MRRF: variants seen among roughly 807,000 people sequenced by gnomAD.
The protein encoded by MRRF is mitochondrial ribosome recycling factor, also known as ribosome-recycling factor, mitochondrial.
A neutral mutation model predicts 25.1 loss-of-function variants in MRRF; 18 were observed. That is an observed-to-expected ratio of 0.72 (90% CI 0.50 to 1.06). MRRF has a LOEUF of 1.06. Ranked by LOEUF, MRRF falls within the 50% of genes least tolerant of loss-of-function variation. The pLI, the probability that MRRF is intolerant of heterozygous loss-of-function variation, is 0.00. For synonymous variants in MRRF, 113 were observed against 112.1 expected (o/e 1.01, Z -0.05); for missense variants, 323 against 319.3 (o/e 1.01, Z -0.09).
At chr9:122,271,601 C>G (rs537350140) in intron 2 of MRRF, among the ~76,000 whole-genome samples, 3 of 152,196 alleles carry the variant, frequency 2.0e-5, no homozygotes, top group Non-Finnish European at 4.4e-5. Flanking sequence ...TAGGTCAAGT[C>G]CCCTGTTGCC....
At chr9:122,267,364 G>C (rs1267716858) in intron 1 of MRRF, among the ~76,000 whole-genome samples, 7 of 147,520 alleles carry the variant, frequency 4.7e-5, no homozygotes, top group African/African-American at 7.7e-5. Flanking sequence ...CTGGGCAACA[G>C]AGTGAGACTC....
intron 2 of MRRF, among the ~76,000 whole-genome samples, chr9:122,274,205 A>G (rs1030054873): frequency 6.6e-6 from 1 of 152,192 alleles, no homozygotes; most frequent in African/African-American, 2.4e-5. Flanking sequence ...CTTAAGAGTT[A>G]TGTATGTGGA....
At chr9:122,306,277 C>G (rs1443020799) in intron 5 of MRRF, among the ~76,000 whole-genome samples, 6 of 152,226 alleles carry the variant, frequency 3.9e-5, no homozygotes, top group African/African-American at 1.4e-4. Context: ...CCTCATCCCC[C>G]TGCACTTGAC....
intron 4 of MRRF, among the ~76,000 whole-genome samples, chr9:122,289,184 T>G (rs966259715): frequency 6.6e-6 from 1 of 152,212 alleles, no homozygotes; most frequent in African/African-American, 2.4e-5. Flanking sequence ...TTTCTGCATA[T>G]GAAAAGATAC....
intron 6 of MRRF, among the ~76,000 whole-genome samples, chr9:122,318,592 G>C (rs779661416): frequency 6.6e-6 from 1 of 152,224 alleles, no homozygotes. Context: ...GCCTGCCCCA[G>C]GAGTGTACTC....
rs529902060 is a variant in MRRF, at chr9:122,319,413, G to A, written c.712-3127G>A. The stretch of plus-strand genomic sequence containing the variant: ...GATCCGCCTGCCTTGGCCTCCCAAA[G>A]TGCTGGGATTACAACCACTGACTTT... On this transcript the variant is annotated intron_variant, in intron 6 of 6. Coordinates refer to ENST00000344641, the MANE Select transcript of MRRF (RefSeq NM_138777.5). Among the ~76,000 whole-genome samples, 3 of 152,260 alleles carry A rather than the reference G, an allele frequency of 2.0e-5. No individual in the cohort carries two copies. The East Asian group carries it at 5.8e-4, about 29-fold the overall frequency.
At chr9:122,273,349 G>A (rs1421305892) in intron 2 of MRRF, among the ~76,000 whole-genome samples, 1 of 151,608 alleles carries the variant, frequency 6.6e-6, no homozygotes, top group East Asian at 1.9e-4. Context: ...GGCTGAAGTG[G>A]GAGCATTGCT....
intron 5 of MRRF, among the ~76,000 whole-genome samples, chr9:122,309,926 T>C (rs763284408): frequency 9.2e-5 from 14 of 152,262 alleles, no homozygotes; most frequent in Non-Finnish European, 1.6e-4. Flanking sequence ...CATAGATCTT[T>C]GCTCTGTCAT....
chr9:122,277,178 T>C (rs1832829103), intron 2 of MRRF, among the ~76,000 whole-genome samples: 1 of 152,228 alleles, frequency 6.6e-6, no homozygotes, highest in Admixed American at 6.5e-5. Flanking sequence ...CTTTTAATTG[T>C]ATTAATTTTG....
At chr9:122,285,101 A>T (rs1833304565) in intron 3 of MRRF, 68 bp from the exon 4 acceptor site, 3 of 967,906 alleles carry the variant, frequency 3.1e-6, no homozygotes, top group Non-Finnish European at 3.3e-6. Flanking sequence ...AATCTGAATT[A>T]GATAGGACTT....
intron 5 of MRRF, among the ~76,000 whole-genome samples, chr9:122,294,726 GCC>G (rs1051886015): frequency 6.6e-6 from 1 of 152,190 alleles, no homozygotes; most frequent in Non-Finnish European, 1.5e-5. Context: ...TGGGCACAGC[GCC>G]CTAGTTGCTT....
chr9:122,279,291 C>A (rs770062005), intron 2 of MRRF, among the ~76,000 whole-genome samples: 23 of 152,124 alleles, frequency 1.5e-4, no homozygotes, highest in Admixed American at 5.9e-4. Flanking sequence ...TTACTTTGGA[C>A]GAAACATTTA....
chr9:122,306,363 A>G (rs1316196635), intron 5 of MRRF, among the ~76,000 whole-genome samples: 1 of 152,204 alleles, frequency 6.6e-6, no homozygotes, highest in East Asian at 1.9e-4. Context: ...TTTAATCCTC[A>G]CAATAATTAA....
At chr9:122,286,193 T>C (rs1359395561) in intron 4 of MRRF, 1 of 1,288,244 alleles carries the variant, frequency 7.8e-7, no homozygotes, top group Non-Finnish European at 1.0e-6. Context: ...GTTCTTATTG[T>C]CTATTTCAGT....
rs552837955 is a variant in MRRF, at chr9:122,330,043, C to G, written c.*7426C>G. 1.3e-5 allele frequency: 2 copies of G among 152,310 alleles called. No individual in the cohort carries two copies. Among genetic ancestry groups the G allele is most frequent in the Admixed American group, 6.5e-5 (1 of 15,290 alleles). 9.4% of individuals were successfully genotyped at this position (152,310 alleles called of 1,614,324 possible). On this transcript the variant is annotated 3_prime_UTR_variant, in exon 7 of 7. Coordinates refer to ENST00000344641, the MANE Select transcript of MRRF (RefSeq NM_138777.5). The surrounding 1 kb of genome is among the most constrained non-coding windows in gnomAD (Gnocchi z 4.2). The stretch of plus-strand genomic sequence containing the variant: ...CCTCATCTGCTAAGTCGGCCTCAGG[C>G]GTTTCTAGACATCTTAAGGGACCGC...
intron 4 of MRRF, chr9:122,286,183 G>A: frequency 1.6e-6 from 2 of 1,288,438 alleles, no homozygotes; most frequent in Non-Finnish European, 2.0e-6. Context: ...GAATCCTCCT[G>A]TTCTTATTGT....
chr9:122,291,912 C>A, intron 5 of MRRF, 72 bp downstream of exon 5: 1 of 1,011,058 alleles, frequency 9.9e-7, no homozygotes, highest in Non-Finnish European at 1.6e-6. Context: ...CAACAAATAC[C>A]CTACTATACC....
At chr9:122,268,996 T>A (rs1442805146) in intron 1 of MRRF, among the ~76,000 whole-genome samples, 1 of 151,974 alleles carries the variant, frequency 6.6e-6, no homozygotes, top group African/African-American at 2.4e-5. Context: ...AAACCCCGTC[T>A]CTACTAAAAA....
At position 122,276,891 on chromosome 9, in the gene MRRF, C is replaced by T. The variant is rs575634640; in HGVS notation, c.185-3552C>T. ...TCTCCTTTTTTGTTGTTTTTTGAGA[C>T]GGGGTCTTGCCCAGGCTGTAGTGCA... On this transcript the variant is annotated intron_variant, in intron 2 of 6. Coordinates refer to ENST00000344641, the MANE Select transcript of MRRF (RefSeq NM_138777.5). 1.4e-3 allele frequency among the ~76,000 whole-genome samples: 206 copies of T among 152,138 alleles called. 2 individuals carry two copies. Among genetic ancestry groups the T allele is most frequent in the African/African-American group, 4.1e-3 (172 of 41,498 alleles).
Sources: allele counts gnomAD v4.1 joint callset (sites outside exome capture counted in the v4.1 genomes callset), GRCh38; gene constraint gnomAD v4.1.1; non-coding constraint Gnocchi (gnomAD v3.1); transcripts MANE v1.5; gene names NCBI Gene and HGNC (gene_info 2026-07-23, HGNC 2026-07-21).